CD72: variants seen among roughly 807,000 people sequenced by gnomAD.
CD72 encodes the protein B-cell differentiation antigen CD72.
In CD72, 28 loss-of-function variants were observed where a neutral mutation model predicts 50.7. That is an observed-to-expected ratio of 0.55 (90% CI 0.41 to 0.76). CD72 has a LOEUF of 0.76. CD72 is among the 30% of genes least tolerant of loss of function. The pLI, the probability that CD72 is intolerant of heterozygous loss-of-function variation, is 0.00. For missense variants in CD72, 403 were observed against 420.6 expected (o/e 0.96, Z 0.37); for synonymous variants, 176 against 171.2 (o/e 1.03, Z -0.22).
chr9:35,616,463 C>G, intron 4 of CD72, 137 bp downstream of exon 4: 1 of 876,804 alleles, frequency 1.1e-6, no homozygotes, highest in South Asian at 1.5e-5. Flanking sequence ...AGACAACAGC[C>G]CTGGCTGGAA....
At chr9:35,610,537 AGTCCCTGCTCTG>A in intron 8 of CD72, 53 bp downstream of exon 8, 7 of 292,154 alleles carry the variant, frequency 2.4e-5, no homozygotes, top group African/African-American at 3.9e-5. Flanking sequence ...CCCTGCTCTG[AGTCCCTGCTCTG>A]AGTCCCTCTG....
rs1001478023 is a variant in CD72 at position 35,616,627 on chromosome 9, C to A, written c.325G>T (p.Val109Leu). The A allele has an allele frequency of 6.2e-7, 1 of 1,613,968 alleles. No individual in the cohort carries two copies. Among genetic ancestry groups the A allele is most frequent in the Admixed American group, 1.7e-5 (1 of 60,002 alleles). Residue 109 changes from valine (V) to leucine (L), a missense_variant, in exon 4 of 9, where the codon GTG becomes TTG. Val to Leu is a conservative substitution (Grantham distance 32). Transcript: ENST00000259633. ...CGCACTCCCAGGCAGATGGCGGTCA[C>A]TCCTAACAGCAGGCAGGTGAGGAGC... ...GLLLTCLLLGVTAICLGVRYL... is the reference protein window; with the variant it reads ...GLLLTCLLLGLTAICLGVRYL...
intron 1 of CD72, among the ~76,000 whole-genome samples, chr9:35,628,021 G>A (rs574962469): frequency 6.6e-6 from 1 of 152,166 alleles, no homozygotes; most frequent in East Asian, 1.9e-4. Context: ...TTGTTGTAGA[G>A]ACAAGGTTTC....
chr9:35,639,024 CT>C (rs111373051), intron 1 of CD72, among the ~76,000 whole-genome samples: 19,662 of 140,806 alleles, frequency 0.14, 1,391 homozygotes, highest in East Asian at 0.32. Context: ...CCGCCTTATT[CT>C]TTTTTTTTTT....
Position 35,618,014 on chromosome 9 carries a change from C to A in CD72, c.190G>T (p.Ala64Ser), listed in dbSNP as rs1260259835. The A allele has an allele frequency of 3.8e-6, 6 of 1,593,440 alleles. No homozygotes were observed. The Admixed American group carries it at 1.0e-4, about 27-fold the overall frequency. Residue 64 changes from alanine (A) to serine (S), a missense_variant and splice_region_variant, in exon 2 of 9, where the codon GCG (alanine) becomes TCG (serine). Physicochemically the swap from Ala to Ser is moderately conservative, Grantham distance 99. Transcript: ENST00000259633. ...CACACATCCCCCAGGCTCTCCAGAC[C>A]TGCTTTGTCCCCTAGTACAGAAGAA... The part of the protein sequence containing the change: ...LASSVLGDKA[A>S]VKSEQPTASW...
chr9:35,624,119 G>A (rs570955350), upstream of CD72, among the ~76,000 whole-genome samples: 2 of 143,716 alleles, frequency 1.4e-5, no homozygotes, highest in African/African-American at 5.2e-5. Flanking sequence ...GGCTGAGGCA[G>A]GAGAATCACT....
At chr9:35,611,356 G>C (rs958608260) in intron 7 of CD72, among the ~76,000 whole-genome samples, 9 of 152,118 alleles carry the variant, frequency 5.9e-5, no homozygotes, top group Admixed American at 3.9e-4. Context: ...CTGCTGTCTT[G>C]ATCACAGTGA....
chr9:35,614,561 C>A (rs572659889), intron 5 of CD72, among the ~76,000 whole-genome samples: 5 of 152,220 alleles, frequency 3.3e-5, no homozygotes, highest in African/African-American at 1.2e-4. Context: ...GCAAAGGTTG[C>A]CAGGCAGTGC....
intron 1 of CD72, among the ~76,000 whole-genome samples, chr9:35,625,238 C>A (rs982155716): frequency 6.6e-6 from 1 of 152,202 alleles, no homozygotes; most frequent in African/African-American, 2.4e-5. Context: ...CCAGTGAACA[C>A]AGAAATGATA....
intron 1 of CD72, among the ~76,000 whole-genome samples, chr9:35,627,761 T>A (rs187599717): frequency 3.3e-5 from 5 of 152,196 alleles, no homozygotes; most frequent in Non-Finnish European, 5.9e-5. Flanking sequence ...AGTTGCAGTC[T>A]CAGAACCAAC....
chr9:35,610,462 C>G, intron 8 of CD72, 140 bp downstream of exon 8: 1 of 330,006 alleles, frequency 3.0e-6, no homozygotes. Context: ...ACAAGCAGAC[C>G]AAGCAACTGG....
intron 1 of CD72, among the ~76,000 whole-genome samples, chr9:35,630,219 G>C (rs959141130): frequency 1.3e-5 from 2 of 151,682 alleles, no homozygotes; most frequent in African/African-American, 4.8e-5. Flanking sequence ...TTGTATTTTT[G>C]TAGAGAAGGG....
At chr9:35,614,295 G>A (rs185269572) in intron 5 of CD72, among the ~76,000 whole-genome samples, 7 of 152,174 alleles carry the variant, frequency 4.6e-5, no homozygotes, top group Admixed American at 1.3e-4. Flanking sequence ...TGGGTGACAC[G>A]ATCAGATTTT....
Position 35,616,201 on chromosome 9 carries a change from G to A in CD72, c.430C>T (p.Arg144Cys), listed in dbSNP as rs766540486. 24 of 1,613,786 alleles carry A rather than the reference G, an allele frequency of 1.5e-5. No homozygotes were observed. Among genetic ancestry groups the A allele is most frequent in the Admixed American group, 3.3e-5 (2 of 60,004 alleles). Reference sequence around the variant, plus strand: ...TGTCCCAGCTGCGTTATCTTGAGGCGGAGCTGCTGCCTCAGGCTGCTGTTA... The same window carrying A: ...TGTCCCAGCTGCGTTATCTTGAGGCAGAGCTGCTGCCTCAGGCTGCTGTTA... Reference protein sequence around the residue: ...VTNSSLRQQLRLKITQLGQSA... With the variant: ...VTNSSLRQQLCLKITQLGQSA... Residue 144 changes from arginine (R) to cysteine (C), a missense_variant, in exon 5 of 9, where the codon CGC becomes TGC. By Grantham distance (180) the Arg-to-Cys change is radical. Transcript: ENST00000259633.
chr9:35,629,460 T>C (rs1823223585), intron 1 of CD72, among the ~76,000 whole-genome samples: 1 of 152,216 alleles, frequency 6.6e-6, no homozygotes, highest in South Asian at 2.1e-4. Flanking sequence ...TATATATACA[T>C]ACACACACAT....
intron 1 of CD72, among the ~76,000 whole-genome samples, chr9:35,628,396 TC>T (rs1405783021): frequency 1.3e-5 from 2 of 152,328 alleles, no homozygotes; most frequent in African/African-American, 4.8e-5. Flanking sequence ...CTCGAGACCA[TC>T]CTGGCTAACA....
At chr9:35,645,764 C>T (rs945548386) in intron 1 of CD72, among the ~76,000 whole-genome samples, 1 of 152,180 alleles carries the variant, frequency 6.6e-6, no homozygotes, top group Non-Finnish European at 1.5e-5. Context: ...GAAAACCAAG[C>T]TGGAAGTTTA....
intron 7 of CD72, among the ~76,000 whole-genome samples, chr9:35,611,177 T>TGG (rs1822977450): frequency 6.6e-6 from 1 of 151,188 alleles, no homozygotes; most frequent in Non-Finnish European, 1.5e-5. Flanking sequence ...TGTGAACCCC[T>TGG]GAGGCGGAGC....
chr9:35,612,342 T>C (rs912560243), intron 6 of CD72, among the ~76,000 whole-genome samples: 4 of 152,108 alleles, frequency 2.6e-5, no homozygotes, highest in Non-Finnish European at 5.9e-5. Flanking sequence ...CCCAGCACTT[T>C]GGGAGACTGA....
Sources: gnomAD v4.1 joint callset for allele counts (sites outside exome capture counted in the v4.1 genomes callset) on GRCh38, gnomAD v4.1.1 for gene constraint, MANE v1.5 for transcripts, NCBI Gene and HGNC (gene_info 2026-07-23, HGNC 2026-07-21) for gene names.